GALNTL5: variants seen among roughly 807,000 people sequenced by gnomAD.
The protein encoded by GALNTL5 is inactive polypeptide N-acetylgalactosaminyltransferase-like protein 5.
In GALNTL5, 44 loss-of-function variants were observed where a neutral mutation model predicts 51.0. That is an observed-to-expected ratio of 0.86 (90% CI 0.68 to 1.11). The LOEUF is 1.11. Among genes scored for constraint, GALNTL5 ranks in the 50% least tolerant of loss-of-function variants. The pLI is 0.00. For missense variants in GALNTL5, 528 were observed against 531.8 expected (o/e 0.99, Z 0.07); for synonymous variants, 192 against 182.8 (o/e 1.05, Z -0.41).
chr7:152,003,732 A>G (rs1450365908), intron 6 of GALNTL5, among the ~76,000 whole-genome samples: 1 of 152,240 alleles, frequency 6.6e-6, no homozygotes, highest in African/African-American at 2.4e-5. Context: ...GAGTTATCTC[A>G]AAACTATTTT....
At chr7:152,006,291 T>C (rs1418203460) in intron 6 of GALNTL5, among the ~76,000 whole-genome samples, 1 of 152,176 alleles carries the variant, frequency 6.6e-6, no homozygotes, top group African/African-American at 2.4e-5. Flanking sequence ...CGAAGCCTGA[T>C]GGAAGGGAGT....
intron 3 of GALNTL5, among the ~76,000 whole-genome samples, chr7:151,980,295 G>T (rs748066616): frequency 3.3e-5 from 5 of 152,152 alleles, no homozygotes; most frequent in Non-Finnish European, 5.9e-5. Flanking sequence ...TGTTGGCCAG[G>T]CTGCTCTCAA....
At chr7:151,987,072 T>C (rs1018080700) in intron 4 of GALNTL5, 87 bp from the exon 5 acceptor site, 1 of 1,188,556 alleles carries the variant, frequency 8.4e-7, no homozygotes, top group Non-Finnish European at 1.2e-6. Context: ...ATAGCATGGA[T>C]TTTAGGAATA....
At position 151,972,904 on chromosome 7, in the gene GALNTL5, C is replaced by T. The variant is rs187993806; in HGVS notation, c.368+1839C>T. On this transcript the variant is annotated intron_variant, in intron 3 of 8. Coordinates refer to ENST00000392800, the MANE Select transcript of GALNTL5 (RefSeq NM_145292.4). ...TGGGGATAGAGACACCAAACCTAGT[C>T]CCCACTGGGGCAATACCTAGTGGAG... 4.8e-3 allele frequency among the ~76,000 whole-genome samples: 738 copies of T among 152,276 alleles called. 10 individuals are homozygous for T. The highest frequency in any genetic ancestry group is 0.016 in the African/African-American group (655 of 41,562).
intron 1 of GALNTL5, among the ~76,000 whole-genome samples, chr7:151,962,905 G>A (rs1051252876): frequency 1.3e-5 from 2 of 152,072 alleles, no homozygotes; most frequent in African/African-American, 2.4e-5. Context: ...CACCATGCCC[G>A]GCCCATGTCT....
intron 3 of GALNTL5, among the ~76,000 whole-genome samples, chr7:151,973,799 T>C (rs913186734): frequency 1.3e-5 from 2 of 151,996 alleles, no homozygotes; most frequent in Admixed American, 1.3e-4. Context: ...CAGAATGATA[T>C]GGTTTGGCTG....
At chr7:151,968,969 T>G (rs771488116) in intron 2 of GALNTL5, among the ~76,000 whole-genome samples, 1 of 152,216 alleles carries the variant, frequency 6.6e-6, no homozygotes, top group South Asian at 2.1e-4. Context: ...TTAAATGGCA[T>G]GTTTTTCTTC....
intron 7 of GALNTL5, among the ~76,000 whole-genome samples, chr7:152,011,483 CCA>C (rs1342166957): frequency 6.6e-6 from 1 of 152,234 alleles, no homozygotes; most frequent in Non-Finnish European, 1.5e-5. Flanking sequence ...CCTGCCATCC[CCA>C]GATGCTGGCA....
At chr7:151,958,660 A>T (rs2080955541) in intron 1 of GALNTL5, among the ~76,000 whole-genome samples, 1 of 152,012 alleles carries the variant, frequency 6.6e-6, no homozygotes, top group South Asian at 2.1e-4. Context: ...CAGCCCTACC[A>T]CCACTTCCCA....
At chr7:152,000,907 C>CTTTTTTTTTTTTTTTTTTTTT (rs2081568494) in intron 5 of GALNTL5, among the ~76,000 whole-genome samples, 1 of 128,634 alleles carries the variant, frequency 7.8e-6, no homozygotes, top group Non-Finnish European at 1.6e-5. Flanking sequence ...TCTTTTTTTT[C>CTTTTTTTTTTTTTTTTTTTTT]TTTCTTTTTT....
At chr7:151,963,496 C>T (rs898535430) in intron 1 of GALNTL5, among the ~76,000 whole-genome samples, 2 of 152,224 alleles carry the variant, frequency 1.3e-5, no homozygotes, top group Middle Eastern at 3.2e-3. Flanking sequence ...CTCCCGGGTT[C>T]AAGCCATTCT....
At chr7:152,008,406 A>G (rs1040785036) in intron 7 of GALNTL5, among the ~76,000 whole-genome samples, 9 of 151,768 alleles carry the variant, frequency 5.9e-5, no homozygotes, top group African/African-American at 1.9e-4. Flanking sequence ...AAATATATTT[A>G]ATTTAATTTA....
chr7:151,986,299 A>G (rs1301470097), intron 4 of GALNTL5, among the ~76,000 whole-genome samples: 1 of 152,190 alleles, frequency 6.6e-6, no homozygotes, highest in African/African-American at 2.4e-5. Flanking sequence ...AAATGTTAAT[A>G]GTGATTTACT....
intron 5 of GALNTL5, among the ~76,000 whole-genome samples, chr7:151,987,975 C>G (rs1049875125): frequency 6.6e-6 from 1 of 152,204 alleles, no homozygotes; most frequent in Admixed American, 6.5e-5. Flanking sequence ...ACCCTGGGAA[C>G]GGCATGACCT....
intron 1 of GALNTL5, among the ~76,000 whole-genome samples, chr7:151,965,936 T>C (rs952162420): frequency 6.6e-6 from 1 of 152,112 alleles, no homozygotes; most frequent in Non-Finnish European, 1.5e-5. Context: ...CCCCCAACCA[T>C]GGAGGTAATC....
At chr7:151,959,232 CT>C (rs36008422) in intron 1 of GALNTL5, among the ~76,000 whole-genome samples, 9,701 of 148,968 alleles carry the variant, frequency 0.065, 370 homozygotes, top group Non-Finnish European at 0.093. Flanking sequence ...CTCCCCTTAC[CT>C]TTTTTTTTTA....
chr7:151,983,273 G>T (rs2081317958), intron 4 of GALNTL5, 121 bp downstream of exon 4: 1 of 804,120 alleles, frequency 1.2e-6, no homozygotes, highest in African/African-American at 1.7e-5. Context: ...TGCCTCCTGA[G>T]TTCAAGCGAT....
At chr7:151,990,940 T>C (rs2081421671) in intron 5 of GALNTL5, among the ~76,000 whole-genome samples, 2 of 152,286 alleles carry the variant, frequency 1.3e-5, no homozygotes, top group Admixed American at 1.3e-4. Context: ...CATTATCATT[T>C]TGGAATCTTA....
intron 3 of GALNTL5, among the ~76,000 whole-genome samples, chr7:151,978,469 C>T (rs559162193): frequency 1.3e-5 from 2 of 152,282 alleles, no homozygotes; most frequent in South Asian, 2.1e-4. Flanking sequence ...GCTTGCTAGC[C>T]ATGCAGAATC....
Sources: gnomAD v4.1 joint callset for allele counts (sites outside exome capture counted in the v4.1 genomes callset) on GRCh38, gnomAD v4.1.1 for gene constraint, MANE v1.5 for transcripts, NCBI Gene and HGNC (gene_info 2026-07-23, HGNC 2026-07-21) for gene names.